The following SUPT3H variants were observed in gnomAD, a reference collection of about 807,000 sequenced individuals.
SUPT3H encodes SPT3 homolog, SAGA and STAGA complex component.
SUPT3H carries 44 observed loss-of-function variants against 44.3 expected under a neutral mutation model. That is an observed-to-expected ratio of 0.99 (90% confidence interval 0.78 to 1.28). SUPT3H has a LOEUF of 1.28. SUPT3H is among the 50% of genes most tolerant of loss of function. SUPT3H has a pLI of 0.00. For synonymous variants in SUPT3H, 124 were observed against 125.6 expected, an observed-to-expected ratio of 0.99 and a Z score of 0.09; for missense variants, 380 against 387.1, an observed-to-expected ratio of 0.98 and a Z score of 0.15.
intron 2 of SUPT3H, among the ~76,000 whole-genome samples, chr6:45,290,094 C>T (rs1276385959): frequency 1.3e-5 from 2 of 151,946 alleles, no homozygotes; most frequent in African/African-American, 2.4e-5. Flanking sequence ...GTGGGGCAAT[C>T]GCTTAAGTCC....
chr6:45,134,213 C>G (rs200735660), intron 2 of SUPT3H, among the ~76,000 whole-genome samples: 1 of 152,068 alleles, frequency 6.6e-6, no homozygotes, highest in Non-Finnish European at 1.5e-5. Context: ...AGGAAACAAG[C>G]GAGGGCCGAA....
chr6:45,300,719 T>C (rs1440552986), intron 2 of SUPT3H, among the ~76,000 whole-genome samples: 2 of 152,226 alleles, frequency 1.3e-5, no homozygotes, highest in African/African-American at 4.8e-5. Context: ...CACTGAATTG[T>C]ATACTTTAAA....
intron 2 of SUPT3H, among the ~76,000 whole-genome samples, chr6:45,362,624 A>C (rs1385009866): frequency 6.6e-6 from 1 of 152,166 alleles, no homozygotes; most frequent in South Asian, 2.1e-4. Context: ...AGAAATTCCT[A>C]AGGGCAAAAA....
At chr6:45,128,587 CACAT>C (rs1802909158) in intron 2 of SUPT3H, among the ~76,000 whole-genome samples, 3 of 118,730 alleles carry the variant, frequency 2.5e-5, no homozygotes, top group African/African-American at 1.0e-4. Context: ...CACACACATA[CACAT>C]ATATATATAT....
At chr6:45,340,021 C>G (rs1379452254) in intron 2 of SUPT3H, among the ~76,000 whole-genome samples, 3 of 152,130 alleles carry the variant, frequency 2.0e-5, no homozygotes, top group Non-Finnish European at 4.4e-5. Context: ...CTCAAGGTTA[C>G]AGAGTTGAAG....
chr6:45,066,133 C>A (rs1213634641), intron 3 of SUPT3H, among the ~76,000 whole-genome samples: 3 of 135,556 alleles, frequency 2.2e-5, no homozygotes, highest in South Asian at 2.6e-4. Flanking sequence ...GGCTTCATCC[C>A]TGGGATGCAA....
rs1477921607 is a variant in SUPT3H at position 45,377,914 on chromosome 6, G to A, written c.-147C>T. The A allele has an allele frequency of 2.6e-5, 4 of 152,200 alleles. No homozygotes were observed. Among genetic ancestry groups the A allele is most frequent in the African/African-American group, 9.7e-5 (4 of 41,282 alleles). 9.4% of individuals were successfully genotyped at this position (152,200 alleles called of 1,614,324 possible). A position where few individuals can be genotyped will look rare whatever the true frequency, so the allele number is the denominator to read the frequency against. ...ACTGAGAGTGTGGAGTGTAGAAAGG[G>A]AAAAGGTGACTCGGCTGTGTGACGG... On this transcript the variant is annotated 5_prime_UTR_variant, in exon 1 of 11. Coordinates refer to ENST00000371459, the MANE Select transcript of SUPT3H (RefSeq NM_003599.4).
intron 2 of SUPT3H, among the ~76,000 whole-genome samples, chr6:45,117,515 C>A (rs1324363924): frequency 6.6e-6 from 1 of 152,032 alleles, no homozygotes; most frequent in Non-Finnish European, 1.5e-5. Flanking sequence ...TGACTAGAAT[C>A]TCCTTCACCC....
intron 3 of SUPT3H, among the ~76,000 whole-genome samples, chr6:45,045,224 A>G (rs1316005901): frequency 6.6e-6 from 1 of 152,198 alleles, no homozygotes; most frequent in African/African-American, 2.4e-5. Context: ...AGAGAATCCT[A>G]GAAGACCATC....
chr6:45,188,810 C>T (rs1814676501), intron 2 of SUPT3H, among the ~76,000 whole-genome samples: 1 of 151,702 alleles, frequency 6.6e-6, no homozygotes, highest in Admixed American at 6.6e-5. Flanking sequence ...AGCACTTAAC[C>T]ACCCTTAAAT....
intron 10 of SUPT3H, among the ~76,000 whole-genome samples, chr6:44,866,467 A>C (rs549265041): frequency 7.5e-4 from 114 of 151,944 alleles, no homozygotes; most frequent in African/African-American, 2.7e-3. Context: ...TAATATATAT[A>C]TATATTGAGA....
At chr6:45,220,387 A>G (rs1164679841) in intron 2 of SUPT3H, among the ~76,000 whole-genome samples, 1 of 151,638 alleles carries the variant, frequency 6.6e-6, no homozygotes, top group Non-Finnish European at 1.5e-5. Context: ...ATTGAGGCAG[A>G]AAAAAAAATC....
chr6:44,853,298 G>A (rs1052822122), intron 10 of SUPT3H, among the ~76,000 whole-genome samples: 2 of 152,114 alleles, frequency 1.3e-5, no homozygotes, highest in African/African-American at 2.4e-5. Flanking sequence ...CAACTTCTAC[G>A]TTGTACTGGC....
intron 6 of SUPT3H, among the ~76,000 whole-genome samples, chr6:44,989,092 A>C (rs1325464547): frequency 6.6e-6 from 1 of 152,148 alleles, no homozygotes; most frequent in Non-Finnish European, 1.5e-5. Context: ...GGAATGATTT[A>C]TAATAACATG....
At chr6:45,374,740 C>G (rs1326435746) in intron 1 of SUPT3H, among the ~76,000 whole-genome samples, 1 of 152,124 alleles carries the variant, frequency 6.6e-6, no homozygotes, top group Non-Finnish European at 1.5e-5. Flanking sequence ...GTCACCCCCA[C>G]CAAAAGATGA....
intron 3 of SUPT3H, among the ~76,000 whole-genome samples, chr6:45,103,468 C>A (rs1798866394): frequency 6.6e-6 from 1 of 151,134 alleles, no homozygotes; most frequent in South Asian, 2.1e-4. Flanking sequence ...GGTTTATAAC[C>A]CACTAAGATA....
intron 2 of SUPT3H, among the ~76,000 whole-genome samples, chr6:45,359,809 C>T (rs1793921343): frequency 6.6e-6 from 1 of 152,096 alleles, no homozygotes; most frequent in Non-Finnish European, 1.5e-5. Flanking sequence ...TTTGGGAGGC[C>T]AAGGTGGGAG....
chr6:44,929,950 T>G (rs1380650911), intron 10 of SUPT3H, among the ~76,000 whole-genome samples: 1 of 152,054 alleles, frequency 6.6e-6, no homozygotes, highest in Non-Finnish European at 1.5e-5. Flanking sequence ...ATTCATGATA[T>G]AAAAAAGCAT....
intron 10 of SUPT3H, among the ~76,000 whole-genome samples, chr6:44,857,717 G>A (rs1328895462): frequency 6.6e-6 from 1 of 151,994 alleles, no homozygotes; most frequent in Non-Finnish European, 1.5e-5. Flanking sequence ...AGCCACTTCT[G>A]TACAGGACAA....
Sources: allele counts gnomAD v4.1 joint callset (sites outside exome capture counted in the v4.1 genomes callset), GRCh38; gene constraint gnomAD v4.1.1; transcripts MANE v1.5; gene names NCBI Gene and HGNC (gene_info 2026-07-23, HGNC 2026-07-21).